CTDSPL2: variants seen among roughly 807,000 people sequenced by gnomAD.
CTDSPL2 encodes the protein CTD small phosphatase like 2, also known as CTD small phosphatase-like protein 2.
CTDSPL2 carries 5 observed loss-of-function variants against 60.0 expected under a neutral mutation model. The ratio of observed to expected loss-of-function variants is 0.08; its 90% CI spans 0.04 to 0.18. CTDSPL2 has a LOEUF of 0.18. Among genes scored for constraint, CTDSPL2 ranks in the 10% least tolerant of loss-of-function variants. The probability of loss-of-function intolerance (pLI) is 1.00; values close to 1 mark genes in which losing one functional copy is unlikely to be tolerated. For synonymous variants in CTDSPL2, 186 were observed against 189.3 expected, an observed-to-expected ratio of 0.98 and a Z score of 0.14; for missense variants, 370 against 548.8, an observed-to-expected ratio of 0.67 and a Z score of 3.26.
At chr15:44,513,384 T>A (rs1380473010) in intron 8 of CTDSPL2, among the ~76,000 whole-genome samples, 1 of 152,136 alleles carries the variant, frequency 6.6e-6, no homozygotes, top group African/African-American at 2.4e-5. Flanking sequence ...GGAGAATCAC[T>A]TGAACCCAGG....
intron 2 of CTDSPL2, chr15:44,470,701 G>A (rs1454739725): frequency 6.6e-6 from 1 of 152,074 alleles, no homozygotes; most frequent in Non-Finnish European, 1.5e-5. Context: ...ACCAACCTTG[G>A]CCTCCTAAAG....
intron 2 of CTDSPL2, among the ~76,000 whole-genome samples, chr15:44,481,932 G>T (rs1232487057): frequency 2.6e-5 from 4 of 152,176 alleles, no homozygotes; most frequent in Non-Finnish European, 5.9e-5. Context: ...CCAGAGAGGT[G>T]CACCCTGGTC....
intron 12 of CTDSPL2, 66 bp from the exon 13 acceptor site, chr15:44,524,043 G>A: frequency 8.2e-7 from 1 of 1,225,428 alleles, no homozygotes; most frequent in Non-Finnish European, 1.2e-6. Context: ...AGGTAAGAAT[G>A]TATGTTATGA....
Position 44,521,417 on chromosome 15 carries a change from CT to C in CTDSPL2, c.1335+13del. On this transcript the variant is annotated intron_variant, in intron 12 of 12. Coordinates refer to ENST00000260327, the MANE Select transcript of CTDSPL2 (RefSeq NM_016396.3). ...AAGCTTGTAGAACTGGTAAGTGTAGCTTATCTTTTTCTGTTGTGTTTTTGTT... is the reference window on the plus strand; with the variant it reads ...AAGCTTGTAGAACTGGTAAGTGTAGCTATCTTTTTCTGTTGTGTTTTTGTT... The C allele has an allele frequency of 7.2e-7, 1 of 1,387,976 alleles. No homozygotes were observed. The highest frequency in any genetic ancestry group is 1.0e-6 in the Non-Finnish European group (1 of 996,804). 86.0% of individuals were successfully genotyped at this position (1,387,976 alleles called of 1,614,324 possible).
intron 1 of CTDSPL2, among the ~76,000 whole-genome samples, chr15:44,430,569 A>G (rs572396702): frequency 1.3e-5 from 2 of 152,248 alleles, no homozygotes; most frequent in South Asian, 2.1e-4. Flanking sequence ...AATTTATCCT[A>G]GTCATAGGAG....
intron 8 of CTDSPL2, among the ~76,000 whole-genome samples, chr15:44,502,931 G>T (rs2081403531): frequency 6.6e-6 from 1 of 151,980 alleles, no homozygotes; most frequent in Non-Finnish European, 1.5e-5. Flanking sequence ...AATAAACTTG[G>T]TTAATGCAAG....
intron 2 of CTDSPL2, among the ~76,000 whole-genome samples, chr15:44,469,337 T>C (rs1020645728): frequency 1.3e-5 from 2 of 152,222 alleles, no homozygotes; most frequent in Non-Finnish European, 1.5e-5. Context: ...AAAATATTTT[T>C]ACTTTCTTGC....
At chr15:44,484,148 T>C in intron 2 of CTDSPL2, 76 bp from the exon 3 acceptor site, 1 of 1,314,294 alleles carries the variant, frequency 7.6e-7, no homozygotes, top group Non-Finnish European at 1.1e-6. Flanking sequence ...TATACCGTAT[T>C]TTTTCATTTT....
chr15:44,516,729 T>TA (rs2081660085), intron 10 of CTDSPL2: 1 of 152,242 alleles, frequency 6.6e-6, no homozygotes, highest in African/African-American at 2.4e-5. Context: ...CAATGTGTTA[T>TA]AAATTAACAA....
At chr15:44,519,361 C>A in intron 11 of CTDSPL2, 66 bp downstream of exon 11, 1 of 1,286,010 alleles carries the variant, frequency 7.8e-7, no homozygotes, top group Non-Finnish European at 1.1e-6. Context: ...TGCTGCCAAA[C>A]AGAATATGAT....
chr15:44,457,602 G>A (rs1030990004), intron 1 of CTDSPL2, among the ~76,000 whole-genome samples: 1 of 151,900 alleles, frequency 6.6e-6, no homozygotes, highest in African/African-American at 2.4e-5. Context: ...TTTTGGTTGG[G>A]GGGGGTGGTG....
intron 10 of CTDSPL2, 92 bp downstream of exon 10, chr15:44,514,936 C>A: frequency 1.3e-6 from 1 of 761,424 alleles, no homozygotes; most frequent in Non-Finnish European, 2.2e-6. Context: ...TTTCAGTTGG[C>A]TGCATATGTG....
At chr15:44,461,977 C>T (rs938357796) in intron 2 of CTDSPL2, among the ~76,000 whole-genome samples, 3 of 152,068 alleles carry the variant, frequency 2.0e-5, no homozygotes, top group African/African-American at 7.2e-5. Context: ...TCTTTCATTC[C>T]CATTGCCCAG....
At chr15:44,451,022 C>G in intron 1 of CTDSPL2, among the ~76,000 whole-genome samples, 1 of 152,104 alleles carries the variant, frequency 6.6e-6, no homozygotes, top group Non-Finnish European at 1.5e-5. Flanking sequence ...AACAAGCAGA[C>G]TAATATACCC....
intron 1 of CTDSPL2, among the ~76,000 whole-genome samples, chr15:44,457,334 A>G (rs1267310511): frequency 1.3e-5 from 2 of 152,176 alleles, no homozygotes; most frequent in Non-Finnish European, 2.9e-5. Flanking sequence ...ACTTGCCTCC[A>G]CTTTTATATC....
At chr15:44,472,686 G>C (rs2080835415) in intron 2 of CTDSPL2, among the ~76,000 whole-genome samples, 1 of 151,984 alleles carries the variant, frequency 6.6e-6, no homozygotes, top group South Asian at 2.1e-4. Flanking sequence ...ACTTTTTGGA[G>C]ACAGAGTCTC....
intron 8 of CTDSPL2, among the ~76,000 whole-genome samples, chr15:44,507,078 TTTTTTG>T (rs2081481860): frequency 6.7e-6 from 1 of 148,350 alleles, no homozygotes; most frequent in African/African-American, 2.5e-5. Context: ...TTTTTGTTTG[TTTTTTG>T]TTTTTTTTTT....
At position 44,500,496 on chromosome 15, in the gene CTDSPL2, G is replaced by A. The variant is rs1168539057; in HGVS notation, c.969+683G>A. Among the ~76,000 whole-genome samples, 6 of 152,122 alleles carry A rather than the reference G, an allele frequency of 3.9e-5. No homozygotes were observed. The East Asian group carries it at 9.6e-4, about 24-fold the overall frequency. On this transcript the variant is annotated intron_variant, in intron 8 of 12. Transcript: ENST00000260327. ...ATACACTTTGAAAATTGCAAAGTACGTTTCTGTTTTGGAGGTTGTTATTTA... is the reference window on the plus strand; with the variant it reads ...ATACACTTTGAAAATTGCAAAGTACATTTCTGTTTTGGAGGTTGTTATTTA...
At chr15:44,443,911 A>C (rs2080146001) in intron 1 of CTDSPL2, among the ~76,000 whole-genome samples, 2 of 152,116 alleles carry the variant, frequency 1.3e-5, no homozygotes. Context: ...TTAAAAACAA[A>C]ATTTTTTAAG....
Sources: gnomAD v4.1 joint callset for allele counts (sites outside exome capture counted in the v4.1 genomes callset) on GRCh38, gnomAD v4.1.1 for gene constraint, MANE v1.5 for transcripts, NCBI Gene and HGNC (gene_info 2026-07-23, HGNC 2026-07-21) for gene names.